The following CTNNA3 variants were observed in gnomAD, a reference collection of about 807,000 sequenced individuals.
CTNNA3 encodes catenin alpha-3.
In CTNNA3, 76 loss-of-function variants were observed where a neutral mutation model predicts 95.7. That is an observed-to-expected ratio of 0.79 (90% CI 0.66 to 0.96). The LOEUF is 0.96. Ranked by LOEUF, CTNNA3 falls within the 40% of genes least tolerant of loss-of-function variation. The pLI, the probability that CTNNA3 is intolerant of heterozygous loss-of-function variation, is 0.00. For missense variants in CTNNA3, 1,191 were observed against 1,089.8 expected, an observed-to-expected ratio of 1.09 and a Z score of -1.31; for synonymous variants, 431 against 374.4, an observed-to-expected ratio of 1.15 and a Z score of -1.74.
chr10:66,869,129 A>C (rs931413284), intron 7 of CTNNA3, among the ~76,000 whole-genome samples: 2 of 152,318 alleles, frequency 1.3e-5, no homozygotes, highest in South Asian at 4.1e-4. Flanking sequence ...AATAGTGTCA[A>C]TTAACTCAAA....
chr10:67,194,951 G>A (rs934355587), intron 6 of CTNNA3, among the ~76,000 whole-genome samples: 2 of 151,908 alleles, frequency 1.3e-5, no homozygotes, highest in Admixed American at 6.6e-5. Flanking sequence ...AAGGCTGAAA[G>A]CCTTTTATTT....
chr10:66,881,670 T>G (rs1196692011), intron 7 of CTNNA3, among the ~76,000 whole-genome samples: 1 of 152,068 alleles, frequency 6.6e-6, no homozygotes, highest in African/African-American at 2.4e-5. Flanking sequence ...GTAAGGTGGC[T>G]GCAATGACAC....
At position 66,377,442 on chromosome 10, in the gene CTNNA3, A is replaced by G. The variant is rs559580968; in HGVS notation, c.1732+1710T>C. Among the ~76,000 whole-genome samples, 9 of 152,212 alleles carry G rather than the reference A, an allele frequency of 5.9e-5. No individual in the cohort carries two copies. The South Asian group carries it at 1.9e-3, about 32-fold the overall frequency. ...TCAAAGAGGTATTAATAAACTTGCAATTAAGTGTTTAAATAACTTTGTTTC... is the reference window on the plus strand; with the variant it reads ...TCAAAGAGGTATTAATAAACTTGCAGTTAAGTGTTTAAATAACTTTGTTTC... On this transcript the variant is annotated intron_variant, in intron 12 of 17. Transcript: ENST00000433211.
chr10:67,112,073 T>G (rs1391452337), intron 7 of CTNNA3, among the ~76,000 whole-genome samples: 6 of 152,166 alleles, frequency 3.9e-5, no homozygotes, highest in Non-Finnish European at 8.8e-5. Context: ...ACACGTTGAA[T>G]AGATGTTGTC....
At chr10:66,951,149 GC>G in intron 7 of CTNNA3, among the ~76,000 whole-genome samples, 1 of 146,056 alleles carries the variant, frequency 6.8e-6, no homozygotes, top group African/African-American at 2.5e-5. Context: ...ACAGAGTCTT[GC>G]TCTGTCACCT....
intron 7 of CTNNA3, among the ~76,000 whole-genome samples, chr10:66,980,864 A>T (rs1850387599): frequency 6.6e-6 from 1 of 152,066 alleles, no homozygotes; most frequent in African/African-American, 2.4e-5. Flanking sequence ...CTTCTCACAC[A>T]TTGATCACTT....
intron 10 of CTNNA3, among the ~76,000 whole-genome samples, chr10:66,571,852 G>A (rs923839638): frequency 2.0e-5 from 3 of 152,112 alleles, no homozygotes; most frequent in Non-Finnish European, 1.5e-5. Context: ...CGTCACAGAT[G>A]AAGCCGCCGA....
chr10:66,473,325 C>T (rs10997155), intron 11 of CTNNA3, among the ~76,000 whole-genome samples: 2 of 151,786 alleles, frequency 1.3e-5, no homozygotes, highest in Non-Finnish European at 2.9e-5. Context: ...ATCATGAGAT[C>T]TGATGGTTTT....
intron 5 of CTNNA3, among the ~76,000 whole-genome samples, chr10:67,408,534 T>G (rs1200646448): frequency 6.6e-6 from 1 of 152,120 alleles, no homozygotes; most frequent in Non-Finnish European, 1.5e-5. Context: ...GCTAGCCCTA[T>G]GTAGAAAATT....
intron 11 of CTNNA3, among the ~76,000 whole-genome samples, chr10:66,400,386 C>T (rs1308473217): frequency 1.3e-5 from 2 of 151,930 alleles, no homozygotes; most frequent in African/African-American, 4.8e-5. Context: ...TCTTTTGCCC[C>T]AGTGGATAGC....
intron 11 of CTNNA3, among the ~76,000 whole-genome samples, chr10:66,513,273 T>C (rs376076225): frequency 6.6e-6 from 1 of 152,196 alleles, no homozygotes; most frequent in East Asian, 1.9e-4. Context: ...TTTCTTTTGC[T>C]TTATCTAGTC....
chr10:66,884,989 C>T (rs1844990382), intron 7 of CTNNA3, among the ~76,000 whole-genome samples: 1 of 152,062 alleles, frequency 6.6e-6, no homozygotes, highest in African/African-American at 2.4e-5. Context: ...AATTCATTTT[C>T]CCAGGTTATT....
At chr10:67,194,726 C>A (rs1863268914) in intron 6 of CTNNA3, among the ~76,000 whole-genome samples, 1 of 151,796 alleles carries the variant, frequency 6.6e-6, no homozygotes, top group Admixed American at 6.6e-5. Context: ...TGGGTGATAA[C>A]AACGTGTCAG....
At chr10:66,048,286 C>G (rs1020476454) in intron 15 of CTNNA3, among the ~76,000 whole-genome samples, 1 of 152,010 alleles carries the variant, frequency 6.6e-6, no homozygotes, top group Non-Finnish European at 1.5e-5. Context: ...ACAAATAGAC[C>G]AATGGACCAG....
At chr10:66,758,233 C>T (rs1055102472) in intron 9 of CTNNA3, among the ~76,000 whole-genome samples, 1 of 152,130 alleles carries the variant, frequency 6.6e-6, no homozygotes, top group Non-Finnish European at 1.5e-5. Context: ...AATCTCACAT[C>T]TTCCATTTAT....
chr10:66,286,479 T>C lies in CTNNA3; in HGVS notation c.1733-5858A>G, dbSNP rs2091590792. Among the ~76,000 whole-genome samples the C allele has an allele frequency of 2.3e-5, 3 of 127,878 alleles. No individual in the cohort carries two copies. The South Asian group carries it at 7.2e-4, about 31-fold the overall frequency. The allele number at this position is 127,878 out of a possible 152,430, so 83.9% of individuals were successfully genotyped here. On this transcript the variant is annotated intron_variant, in intron 12 of 17. Coordinates refer to ENST00000433211, the MANE Select transcript of CTNNA3 (RefSeq NM_013266.4). Reference sequence around the variant, plus strand: ...AAGATCAAATCTTAATTTCTTCACTTTCTACCATTCAGAAAAACAGTTACA... The same window carrying C: ...AAGATCAAATCTTAATTTCTTCACTCTCTACCATTCAGAAAAACAGTTACA...
At chr10:66,912,621 C>T (rs139027868) in intron 7 of CTNNA3, among the ~76,000 whole-genome samples, 366 of 152,222 alleles carry the variant, frequency 2.4e-3, no homozygotes, top group African/African-American at 8.3e-3. Context: ...CCTATTTCCA[C>T]CAAATACATT....
intron 1 of CTNNA3, among the ~76,000 whole-genome samples, chr10:67,682,158 CAAAAAAAA>C (rs1042799163): frequency 1.9e-5 from 2 of 103,726 alleles, no homozygotes; most frequent in Non-Finnish European, 4.1e-5. Flanking sequence ...AACCCCGTCT[CAAAAAAAA>C]AAAAAAAAAA....
At chr10:66,429,001 C>T (rs568222504) in intron 11 of CTNNA3, among the ~76,000 whole-genome samples, 2,458 of 151,584 alleles carry the variant, frequency 0.016, 56 homozygotes, top group African/African-American at 0.056. Context: ...ATTGATAGAC[C>T]GCTAGCAAGA....
Sources: gnomAD v4.1 joint callset for allele counts (sites outside exome capture counted in the v4.1 genomes callset) on GRCh38, gnomAD v4.1.1 for gene constraint, MANE v1.5 for transcripts, NCBI Gene and HGNC (gene_info 2026-07-23, HGNC 2026-07-21) for gene names.